The following CXADR variants were observed in gnomAD, a reference collection of about 807,000 sequenced individuals.
CXADR encodes the protein CXADR cell adhesion molecule.
In CXADR, 20 loss-of-function variants were observed where a neutral mutation model predicts 40.3. The observed-to-expected ratio is 0.50, with a 90% CI of 0.35 to 0.72. The LOEUF (loss-of-function observed/expected upper bound fraction) is 0.72. CXADR is among the 30% of genes least tolerant of loss of function. The pLI is 0.01. For missense variants in CXADR, 332 were observed against 449.1 expected (o/e 0.74, Z 2.36); for synonymous variants, 150 against 161.3 (o/e 0.93, Z 0.53).
chr21:17,532,820 G>A (rs1025128599), intron 1 of CXADR, among the ~76,000 whole-genome samples: 1 of 152,198 alleles, frequency 6.6e-6, no homozygotes. Flanking sequence ...TTTCTCCAAT[G>A]AAGTAGGCAT....
intron 1 of CXADR, chr21:17,543,053 C>A: frequency 2.8e-6 from 1 of 354,472 alleles, no homozygotes; most frequent in Non-Finnish European, 5.6e-6. Flanking sequence ...GAATTGAAGG[C>A]TTTAACCATT....
At position 17,535,511 on chromosome 21, in the gene CXADR, A is replaced by C. The variant is rs894405884; in HGVS notation, c.44-11516A>C. ...AGCCATATTATTGTGTTTTTATAGT[A>C]AGTCTTCTGATTTCTATGATTCGAA... is the stretch of plus-strand genomic sequence containing the variant. On this transcript the variant is annotated intron_variant, in intron 1 of 6. Transcript: ENST00000284878. 5.3e-5 allele frequency among the ~76,000 whole-genome samples: 8 copies of C among 152,020 alleles called. No homozygotes were observed. The East Asian group carries it at 1.5e-3, about 29-fold the overall frequency.
At chr21:17,606,301 C>T in the CXADR span, among the ~76,000 whole-genome samples, 1 of 152,076 alleles carries the variant, frequency 6.6e-6, no homozygotes, top group Non-Finnish European at 1.5e-5. Context: ...GGTTCAAATC[C>T]AGGCCACTAG....
At chr21:17,574,324 G>T (rs1202082375), downstream of CXADR, among the ~76,000 whole-genome samples, 2 of 152,134 alleles carry the variant, frequency 1.3e-5, no homozygotes, top group Admixed American at 6.5e-5. Flanking sequence ...TACCCTTCTA[G>T]GAATGCTCTA....
downstream of CXADR, chr21:17,594,212 G>T (rs759285577): frequency 1.2e-6 from 2 of 1,613,166 alleles, no homozygotes; most frequent in African/African-American, 1.3e-5. Context: ...CCCTGATTTG[G>T]ATAACCAAAT....
intron 1 of CXADR, among the ~76,000 whole-genome samples, chr21:17,546,023 C>G (rs750741421): frequency 6.6e-5 from 10 of 152,138 alleles, no homozygotes; most frequent in Admixed American, 5.9e-4. Flanking sequence ...AGATGATTCA[C>G]CTACCTTGGC....
chr21:17,584,317 C>A (rs763117469), intron 7 of CXADR, among the ~76,000 whole-genome samples: 1 of 152,176 alleles, frequency 6.6e-6, no homozygotes, highest in Non-Finnish European at 1.5e-5. Flanking sequence ...TAATTAAAGA[C>A]GTAGCTTTGG....
intron 4 of CXADR, 87 bp downstream of exon 4, chr21:17,559,218 T>G: frequency 1.8e-4 from 227 of 1,285,754 alleles, no homozygotes; most frequent in Non-Finnish European, 2.3e-4. Context: ...AGATAGGGCC[T>G]TGCTCTGTCA....
chr21:17,570,165 T>G, downstream of CXADR: 1 of 985,418 alleles, frequency 1.0e-6, no homozygotes, highest in Non-Finnish European at 1.2e-6. Flanking sequence ...TTTAATATTT[T>G]ATTCCTCCCT....
At chr21:17,613,807 A>G in the CXADR span, 1 of 152,208 alleles carries the variant, frequency 6.6e-6, no homozygotes. Flanking sequence ...AAAGCACTTT[A>G]ATACATCCAA....
the CXADR span, among the ~76,000 whole-genome samples, chr21:17,608,375 A>G: frequency 1.3e-4 from 20 of 150,166 alleles, no homozygotes; most frequent in Non-Finnish European, 2.4e-4. Context: ...CAATACCACA[A>G]AAAAAAAAAA....
intron 2 of CXADR, among the ~76,000 whole-genome samples, chr21:17,550,781 A>G (rs2123264352): frequency 6.6e-6 from 1 of 152,370 alleles, no homozygotes; most frequent in South Asian, 2.1e-4. Flanking sequence ...AGCCTTTAGT[A>G]ATTGCCTTCA....
At chr21:17,606,533 G>A in the CXADR span, among the ~76,000 whole-genome samples, 4 of 152,008 alleles carry the variant, frequency 2.6e-5, no homozygotes, top group African/African-American at 9.7e-5. Context: ...AAGCAGTTAA[G>A]GATAAAAAGA....
chr21:17,601,914 T>C, the CXADR span, among the ~76,000 whole-genome samples: 2 of 152,188 alleles, frequency 1.3e-5, no homozygotes, highest in Admixed American at 1.3e-4. Flanking sequence ...GTTCTGCATT[T>C]TTCCCTTTGT....
chr21:17,523,064 A>G (rs2060551529), intron 1 of CXADR, among the ~76,000 whole-genome samples: 1 of 152,154 alleles, frequency 6.6e-6, no homozygotes, highest in Non-Finnish European at 1.5e-5. Context: ...AGGTTATACC[A>G]TTCTCTCTTC....
At chr21:17,535,350 C>T (rs181542488) in intron 1 of CXADR, among the ~76,000 whole-genome samples, 1 of 152,168 alleles carries the variant, frequency 6.6e-6, no homozygotes, top group East Asian at 1.9e-4. Context: ...CTTAGATCTA[C>T]CATGCCTGGC....
chr21:17,552,300 T>C (rs2060978860), intron 3 of CXADR, among the ~76,000 whole-genome samples: 1 of 152,192 alleles, frequency 6.6e-6, no homozygotes, highest in Non-Finnish European at 1.5e-5. Context: ...CATGTTTCTA[T>C]GATGAATAAT....
At chr21:17,630,650 C>CTTTTTTTTTTTTTTTT in the CXADR span, among the ~76,000 whole-genome samples, 10 of 116,934 alleles carry the variant, frequency 8.6e-5, no homozygotes, top group East Asian at 2.5e-4. Flanking sequence ...CTTCCTTCTT[C>CTTTTTTTTTTTTTTTT]TTTTTTTTTT....
the CXADR span, among the ~76,000 whole-genome samples, chr21:17,610,020 C>G: frequency 6.6e-6 from 1 of 152,290 alleles, no homozygotes; most frequent in South Asian, 2.1e-4. Flanking sequence ...CTAATATAAG[C>G]TACAACATGG....
Sources: gnomAD v4.1 joint callset for allele counts (sites outside exome capture counted in the v4.1 genomes callset) on GRCh38, gnomAD v4.1.1 for gene constraint, MANE v1.5 for transcripts, NCBI Gene and HGNC (gene_info 2026-07-23, HGNC 2026-07-21) for gene names.